Variants in CIMAP3 observed in about 807,000 individuals in gnomAD.
The protein encoded by CIMAP3 is ciliary microtubule-associated protein 3.
chr1:111,330,380 C>T, the CIMAP3 span, among the ~76,000 whole-genome samples: 1 of 152,134 alleles, frequency 6.6e-6, no homozygotes, highest in Non-Finnish European at 1.5e-5. Flanking sequence ...ATGTGTTCAC[C>T]AGGCTGAGGC....
chr1:111,341,674 T>C, the CIMAP3 span, among the ~76,000 whole-genome samples: 1 of 152,220 alleles, frequency 6.6e-6, no homozygotes, highest in East Asian at 1.9e-4. Flanking sequence ...GTTAATACTG[T>C]TGCATGGCAA....
chr1:111,339,435 T>C, the CIMAP3 span, among the ~76,000 whole-genome samples: 1 of 150,516 alleles, frequency 6.6e-6, no homozygotes, highest in East Asian at 1.9e-4. Context: ...GCAGACGACA[T>C]GATTGTATAT....
the CIMAP3 span, among the ~76,000 whole-genome samples, chr1:111,332,926 G>T: frequency 6.6e-6 from 1 of 152,202 alleles, no homozygotes; most frequent in Non-Finnish European, 1.5e-5. Flanking sequence ...GCCCAGAGGC[G>T]TTTGTACCAG....
At chr1:111,331,339 G>A in the CIMAP3 span, among the ~76,000 whole-genome samples, 1 of 152,018 alleles carries the variant, frequency 6.6e-6, no homozygotes, top group Non-Finnish European at 1.5e-5. Context: ...CCATAGTATG[G>A]ACTTAATGAT....
the CIMAP3 span, chr1:111,324,861 A>G: frequency 5.1e-6 from 5 of 985,296 alleles, no homozygotes; most frequent in East Asian, 5.7e-4. Context: ...CATGGATCAG[A>G]CAGCCATACA....
chr1:111,335,323 C>T, the CIMAP3 span, among the ~76,000 whole-genome samples: 1 of 152,060 alleles, frequency 6.6e-6, no homozygotes, highest in South Asian at 2.1e-4. Context: ...GGGTTCATCT[C>T]ACTAGGGAGT....
At chr1:111,330,956 G>C in the CIMAP3 span, among the ~76,000 whole-genome samples, 1 of 152,104 alleles carries the variant, frequency 6.6e-6, no homozygotes, top group Admixed American at 6.5e-5. Context: ...TCTTTACTGG[G>C]AATAATATTC....
the CIMAP3 span, among the ~76,000 whole-genome samples, chr1:111,342,141 G>A: frequency 6.6e-6 from 1 of 152,140 alleles, no homozygotes; most frequent in African/African-American, 2.4e-5. Context: ...AAAGGTCAAG[G>A]AGAAAGAGAC....
chr1:111,326,482 CT>C, the CIMAP3 span, among the ~76,000 whole-genome samples: 1 of 152,082 alleles, frequency 6.6e-6, no homozygotes, highest in Non-Finnish European at 1.5e-5. Context: ...TGATTTCACT[CT>C]TTTTTTATAA....
the CIMAP3 span, among the ~76,000 whole-genome samples, chr1:111,335,958 G>A: frequency 6.6e-6 from 1 of 152,230 alleles, no homozygotes; most frequent in Non-Finnish European, 1.5e-5. Flanking sequence ...CCCCCAGTAG[G>A]GGCAGACTGA....
At chr1:111,346,639 C>T in the CIMAP3 span, 1 of 1,614,178 alleles carries the variant, frequency 6.2e-7, no homozygotes, top group East Asian at 2.2e-5. Flanking sequence ...AAGTGCTAGC[C>T]CTAGCAGCTC....
At chr1:111,352,352 G>T in the CIMAP3 span, 1 of 152,620 alleles carries the variant, frequency 6.6e-6, no homozygotes, top group African/African-American at 2.4e-5. Context: ...CAAAGATTGA[G>T]AAGCTGCCAG....
the CIMAP3 span, among the ~76,000 whole-genome samples, chr1:111,333,684 T>C: frequency 7.9e-3 from 1,205 of 152,278 alleles, 16 homozygotes; most frequent in African/African-American, 0.027. Context: ...AGGAAAGGTG[T>C]CTCCATTCTG....
chr1:111,347,454 C>A, the CIMAP3 span, among the ~76,000 whole-genome samples: 2 of 147,948 alleles, frequency 1.4e-5, no homozygotes, highest in African/African-American at 5.3e-5. Flanking sequence ...CCAGCCACAC[C>A]CCTCTACAAA....
chr1:111,329,792 A>T, the CIMAP3 span, among the ~76,000 whole-genome samples: 3 of 151,290 alleles, frequency 2.0e-5, no homozygotes, highest in African/African-American at 7.3e-5. Context: ...GACCTCAGGT[A>T]ATCAGCCCGC....
the CIMAP3 span, among the ~76,000 whole-genome samples, chr1:111,343,204 T>C: frequency 2.0e-5 from 3 of 152,222 alleles, no homozygotes; most frequent in African/African-American, 7.2e-5. Context: ...TAATCAGCTT[T>C]TCCTCTGTGT....
chr1:111,351,221 A>G, the CIMAP3 span: 7 of 1,482,464 alleles, frequency 4.7e-6, no homozygotes, highest in South Asian at 1.1e-5. Flanking sequence ...GAGGGTTCTC[A>G]TTAGAATATT....
At chr1:111,344,856 T>C in the CIMAP3 span, among the ~76,000 whole-genome samples, 1 of 152,234 alleles carries the variant, frequency 6.6e-6, no homozygotes, top group African/African-American at 2.4e-5. Context: ...GTATATACAA[T>C]GGTGGCTCCC....
the CIMAP3 span, among the ~76,000 whole-genome samples, chr1:111,341,071 A>G: frequency 2.0e-5 from 3 of 151,398 alleles, no homozygotes; most frequent in East Asian, 3.9e-4. Flanking sequence ...CATGGATGAA[A>G]TTGGAAATCA....
Sources: gnomAD v4.1 joint callset for allele counts (sites outside exome capture counted in the v4.1 genomes callset) on GRCh38, gnomAD v4.1.1 for gene constraint, MANE v1.5 for transcripts, NCBI Gene and HGNC (gene_info 2026-07-23, HGNC 2026-07-21) for gene names.